BCR: variants seen among roughly 807,000 people sequenced by gnomAD.
BCR encodes the protein breakpoint cluster region protein.
Under a neutral mutation model 138.6 loss-of-function variants are expected in BCR, and 58 were observed. The observed-to-expected ratio is 0.42, with a 90% CI of 0.34 to 0.52. The LOEUF is 0.52. Among genes scored for constraint, BCR ranks in the 20% least tolerant of loss-of-function variants. The pLI, the probability that BCR is intolerant of heterozygous loss-of-function variation, is 0.06. For synonymous variants in BCR, 786 were observed against 730.1 expected (o/e 1.08, Z -1.23); for missense variants, 1,599 against 1,727.2 (o/e 0.93, Z 1.32).
At chr22:23,246,549 T>C (rs1233949600) in intron 1 of BCR, among the ~76,000 whole-genome samples, 1 of 152,192 alleles carries the variant, frequency 6.6e-6, no homozygotes, top group Non-Finnish European at 1.5e-5. Context: ...ATGCCACATC[T>C]TAGAAATGCC....
At chr22:23,245,049 A>G (rs2073140832) in intron 1 of BCR, among the ~76,000 whole-genome samples, 1 of 152,118 alleles carries the variant, frequency 6.6e-6, no homozygotes, top group Non-Finnish European at 1.5e-5. Flanking sequence ...TGTGGAGGAA[A>G]ACGGCTGACT....
At position 23,315,747 on chromosome 22, in the gene BCR, C is replaced by T. The variant is rs2074065224; in HGVS notation, c.*225C>T. On this transcript the variant is annotated 3_prime_UTR_variant, in exon 23 of 23. Transcript: ENST00000305877. ...CCTCAGACTGTGGTTTTTTATGTGGCCACCTGAGGGCGCCCCAAGCCAGTT... is the reference window on the plus strand; with the variant it reads ...CCTCAGACTGTGGTTTTTTATGTGGTCACCTGAGGGCGCCCCAAGCCAGTT... The T allele has an allele frequency of 4.7e-6, 3 of 634,000 alleles. No individual in the cohort carries two copies. Among genetic ancestry groups the T allele is most frequent in the Non-Finnish European group, 8.7e-6 (3 of 343,350 alleles). 39.3% of individuals were successfully genotyped at this position (634,000 alleles called of 1,614,324 possible).
At chr22:23,253,731 C>T (rs1173657479) in intron 1 of BCR, 68 bp from the exon 2 acceptor site, 1 of 1,535,308 alleles carries the variant, frequency 6.5e-7, no homozygotes, top group Non-Finnish European at 8.8e-7. Flanking sequence ...TGGGTGCTTG[C>T]TGGGATGGGT....
At chr22:23,182,313 A>T in intron 1 of BCR, 74 bp downstream of exon 1, 1 of 1,425,992 alleles carries the variant, frequency 7.0e-7, no homozygotes, top group South Asian at 1.4e-5. Flanking sequence ...GGGGATACAA[A>T]ACAGAAGTTG....
chr22:23,197,000 C>T (rs950362313), intron 1 of BCR, among the ~76,000 whole-genome samples: 3 of 152,204 alleles, frequency 2.0e-5, no homozygotes, highest in Non-Finnish European at 4.4e-5. Context: ...CCATAGCTAG[C>T]TTTTGCATAT....
rs747233940 is a variant in BCR at position 23,285,130 on chromosome 22, G to C, written c.2335G>C (p.Val779Leu). The C allele has an allele frequency of 6.2e-7, 1 of 1,613,950 alleles. No homozygotes were observed. Among genetic ancestry groups the C allele is most frequent in the East Asian group, 2.2e-5 (1 of 44,900 alleles). The change falls in exon 10 of 23, where the codon GTG becomes CTG. Residue 779 changes from valine (V) to leucine (L), a missense_variant. By Grantham distance (32) the Val-to-Leu change is conservative (BLOSUM62 1). Around this residue, in one of 4 missense-constraint regions of BCR, gnomAD observed 590 missense variants for 762.4 expected, o/e 0.77. Transcript: ENST00000305877. ...ELEAVPNIPL[V>L]PDEELDALKI... is the part of the protein sequence containing the mutation. Reference sequence around the variant, plus strand: ...GGAGGCAGTGCCCAACATCCCCCTGGTGCCCGATGAGGAGCTGGACGCTTT... The same window carrying C: ...GGAGGCAGTGCCCAACATCCCCCTGCTGCCCGATGAGGAGCTGGACGCTTT...
At chr22:23,296,765 CCT>C (rs913432482) in intron 16 of BCR, among the ~76,000 whole-genome samples, 24 of 152,314 alleles carry the variant, frequency 1.6e-4, no homozygotes, top group African/African-American at 5.3e-4. Flanking sequence ...AACATAGACC[CCT>C]GTCTAAAACA....
At chr22:23,256,249 C>T (rs900050431) in intron 2 of BCR, among the ~76,000 whole-genome samples, 18 of 152,276 alleles carry the variant, frequency 1.2e-4, no homozygotes, top group African/African-American at 3.4e-4. Context: ...TCCTCCTGCA[C>T]GCCACCCACC....
chr22:23,244,753 G>T (rs2073136852), intron 1 of BCR, among the ~76,000 whole-genome samples: 1 of 152,200 alleles, frequency 6.6e-6, no homozygotes, highest in East Asian at 1.9e-4. Flanking sequence ...CTGAGCCCCA[G>T]AGTCCTAAAA....
At chr22:23,247,100 G>A (rs985120411) in intron 1 of BCR, among the ~76,000 whole-genome samples, 15 of 152,128 alleles carry the variant, frequency 9.9e-5, no homozygotes, top group African/African-American at 2.9e-4. Flanking sequence ...CCCTCCAAAA[G>A]ACGTGTGCTG....
At chr22:23,273,483 C>G in intron 7 of BCR, 151 bp from the exon 8 acceptor site, 1 of 1,090,834 alleles carries the variant, frequency 9.2e-7, no homozygotes, top group Non-Finnish European at 1.3e-6. Context: ...AAGCTCTGTC[C>G]ACAAAGCTGG....
At chr22:23,227,488 G>C (rs886254600) in intron 1 of BCR, among the ~76,000 whole-genome samples, 6 of 152,266 alleles carry the variant, frequency 3.9e-5, no homozygotes, top group Non-Finnish European at 8.8e-5. Flanking sequence ...TTGACTGTAA[G>C]CATGGTTAAA....
intron 16 of BCR, among the ~76,000 whole-genome samples, chr22:23,308,859 G>A (rs1317359261): frequency 2.0e-5 from 3 of 152,138 alleles, no homozygotes; most frequent in African/African-American, 7.2e-5. Context: ...AAGTTAGAGG[G>A]GTCACAGAGG....
chr22:23,262,695 G>A (rs574159670), intron 4 of BCR: 1,293 of 181,998 alleles, frequency 7.1e-3, no homozygotes, highest in Non-Finnish European at 9.2e-3. Flanking sequence ...CGGGAATGGC[G>A]GGCCCGGGTG....
At chr22:23,215,004 C>T (rs570763197) in intron 1 of BCR, among the ~76,000 whole-genome samples, 4 of 152,170 alleles carry the variant, frequency 2.6e-5, no homozygotes, top group Admixed American at 6.5e-5. Flanking sequence ...CCTCCTCCCT[C>T]AGCCCCTGGC....
Position 23,241,428 on chromosome 22 carries a change from T to A in BCR, c.1280-12371T>A, listed in dbSNP as rs112084840. Among the ~76,000 whole-genome samples, 1,478 of 152,290 alleles carry A rather than the reference T, an allele frequency of 9.7e-3. 19 individuals are homozygous for A. Among genetic ancestry groups the A allele is most frequent in the African/African-American group, 0.034 (1,406 of 41,556 alleles). Reference sequence around the variant, plus strand: ...CAGCGGCCATGGCCCGCATCCTGGCTGAGCACCTTTGCTGGTGTGGAGGGA... The same window carrying A: ...CAGCGGCCATGGCCCGCATCCTGGCAGAGCACCTTTGCTGGTGTGGAGGGA... On this transcript the variant is annotated intron_variant, in intron 1 of 22. Transcript: ENST00000305877.
At chr22:23,261,322 C>T in intron 3 of BCR, 33 bp from the exon 4 acceptor site, 1 of 1,597,240 alleles carries the variant, frequency 6.3e-7, no homozygotes. Context: ...CAGCCCCTCT[C>T]ACCTGTGCTA....
At chr22:23,215,185 A>G (rs7290258) in intron 1 of BCR, among the ~76,000 whole-genome samples, 10,770 of 152,296 alleles carry the variant, frequency 0.071, 1,268 homozygotes, top group African/African-American at 0.24. Context: ...TTAAGGCTGA[A>G]TAATATTCCA....
intron 4 of BCR, chr22:23,263,875 T>C: frequency 1.0e-6 from 1 of 958,402 alleles, no homozygotes. Context: ...TCTGTTGCTA[T>C]CAGGCCATTA....
Sources: gnomAD v4.1 joint callset for allele counts (sites outside exome capture counted in the v4.1 genomes callset) on GRCh38, gnomAD v4.1.1 for gene constraint, gnomAD v4.1.1 regional missense constraint, MANE v1.5 for transcripts, NCBI Gene and HGNC (gene_info 2026-07-23, HGNC 2026-07-21) for gene names.